DNM1: variants seen among roughly 807,000 people sequenced by gnomAD.
DNM1 encodes the protein dynamin 1.
A neutral mutation model predicts 104.6 loss-of-function variants in DNM1; 29 were observed. The observed-to-expected ratio is 0.28, with a 90% CI of 0.21 to 0.38. DNM1 has a LOEUF of 0.38. DNM1 is among the 10% of genes least tolerant of loss of function. DNM1 has a pLI of 1.00. For missense variants in DNM1, 640 were observed against 1,189.4 expected, an observed-to-expected ratio of 0.54 and a Z score of 6.79; for synonymous variants, 445 against 475.8, an observed-to-expected ratio of 0.94 and a Z score of 0.84.
At position 128,254,452 on chromosome 9, in the gene DNM1, G is replaced by A. The variant is rs1451702641; in HGVS notation, c.2535-202G>A. On this transcript the variant is annotated intron_variant, in intron 21 of 21. Transcript: ENST00000372923. The surrounding 1 kb of genome is among the most constrained non-coding windows in gnomAD (Gnocchi z 6.1). ...CCCAGGCGCTATCTGTGAAGCTACG[G>A]CTCCTCCCTCCATCTTCCTCCCCTT... 1.4e-5 allele frequency: 21 copies of A among 1,478,930 alleles called. No homozygotes were observed. Among genetic ancestry groups the A allele is most frequent in the Admixed American group, 5.1e-5 (2 of 39,166 alleles). 91.6% of individuals were successfully genotyped at this position (1,478,930 alleles called of 1,614,324 possible). A position where few individuals can be genotyped will look rare whatever the true frequency, so the allele number is the denominator to read the frequency against.
At chr9:128,210,991 T>G (rs7870297) in intron 1 of DNM1, among the ~76,000 whole-genome samples, 4 of 152,170 alleles carry the variant, frequency 2.6e-5, no homozygotes, top group African/African-American at 9.7e-5. Flanking sequence ...AAAGTAATAT[T>G]GAGCTTGGAA....
rs1836225282 is a variant in DNM1, at chr9:128,239,473, C to T, written c.1451C>T (p.Ala484Val). The stretch of plus-strand genomic sequence containing the variant: ...ATGCTTCTCATCGATATCGAGCTGG[C>T]TTACATGAACACCAACCATGAGGAC... Reference protein sequence around the residue: ...QVMLLIDIELAYMNTNHEDFI... With the variant: ...QVMLLIDIELVYMNTNHEDFI... Residue 484 changes from alanine (A) to valine (V), a missense_variant, in exon 12 of 22, where the codon GCT (alanine) becomes GTT (valine). Around this residue, in one of 7 missense-constraint regions of DNM1, gnomAD observed 92 missense variants for 124.4 expected, o/e 0.74. Coordinates refer to ENST00000372923, the MANE Select transcript of DNM1 (RefSeq NM_004408.4). 1 of 1,613,916 alleles carries T rather than the reference C, an allele frequency of 6.2e-7. No individual in the cohort carries two copies. Among genetic ancestry groups the T allele is most frequent in the African/African-American group, 1.3e-5 (1 of 74,902 alleles).
chr9:128,216,085 C>CG (rs1430430401), intron 1 of DNM1, among the ~76,000 whole-genome samples: 1 of 151,992 alleles, frequency 6.6e-6, no homozygotes, highest in African/African-American at 2.4e-5. Context: ...GCACATACCA[C>CG]GCTGCATTGC....
chr9:128,203,767 C>T lies in DNM1; in HGVS notation c.161+136C>T, dbSNP rs1833650473. The T allele has an allele frequency of 1.2e-6, 1 of 800,996 alleles. No homozygotes were observed. Among genetic ancestry groups the T allele is most frequent in the East Asian group, 4.0e-5 (1 of 25,086 alleles). The allele number at this position is 800,996 out of a possible 1,614,324, so 49.6% of individuals were successfully genotyped here. A position where few individuals can be genotyped will look rare whatever the true frequency, so the allele number is the denominator to read the frequency against. On this transcript the variant is annotated intron_variant, in intron 1 of 21. Coordinates refer to ENST00000372923, the MANE Select transcript of DNM1 (RefSeq NM_004408.4). The surrounding 1 kb of genome is among the most constrained non-coding windows in gnomAD (Gnocchi z 5.3). ...GGCCGGCGCGCCCCCCACCCCCAGC[C>T]GGAGCGAGGAGGCCCTCCCCCCACC... is the stretch of plus-strand genomic sequence containing the variant.
rs373316268 is a variant in DNM1, at chr9:128,220,375, A to G, written c.849+34A>G. ...CCAAGCCAGGATGGGGCCTGGGGAA[A>G]CAAGCATGAAAACAGGATAAATTAA... On this transcript the variant is annotated intron_variant, in intron 6 of 21. Coordinates refer to ENST00000372923, the MANE Select transcript of DNM1 (RefSeq NM_004408.4). This position sits in a 1 kb window ranked among gnomAD's most constrained non-coding sequence, Gnocchi z 5.2. 2 of 1,607,968 alleles carry G rather than the reference A, an allele frequency of 1.2e-6. No homozygotes were observed. Among genetic ancestry groups the G allele is most frequent in the African/African-American group, 2.7e-5 (2 of 74,920 alleles).
chr9:128,212,269 AGTGGCTGAGTTGGG>A (rs1175108901), intron 1 of DNM1, among the ~76,000 whole-genome samples: 1 of 152,186 alleles, frequency 6.6e-6, no homozygotes, highest in East Asian at 1.9e-4. Context: ...GAAATAATTT[AGTGGCTGAGTTGGG>A]GTTCCTTCTC....
intron 11 of DNM1, among the ~76,000 whole-genome samples, chr9:128,235,931 G>C (rs1028277478): frequency 6.6e-6 from 1 of 151,968 alleles, no homozygotes; most frequent in Non-Finnish European, 1.5e-5. Context: ...TGCCCAGGAT[G>C]GTCTCAAACT....
At chr9:128,229,919 A>G (rs1159662938) in intron 10 of DNM1, among the ~76,000 whole-genome samples, 1 of 150,340 alleles carries the variant, frequency 6.7e-6, no homozygotes, top group African/African-American at 2.4e-5. Flanking sequence ...TCTCAAAGGA[A>G]AAAAAAGGGA....
At chr9:128,219,659 C>G (rs1834825391) in intron 4 of DNM1, among the ~76,000 whole-genome samples, 1 of 147,262 alleles carries the variant, frequency 6.8e-6, no homozygotes, top group Non-Finnish European at 1.5e-5. Context: ...AGAGTGAGAC[C>G]CTGTCTCAAA....
At chr9:128,241,527 TG>T (rs937285279) in intron 14 of DNM1, among the ~76,000 whole-genome samples, 47 of 152,326 alleles carry the variant, frequency 3.1e-4, no homozygotes, top group African/African-American at 1.1e-3. Context: ...AAATATGTAT[TG>T]ATCACTTACT....
At chr9:128,225,608 T>TG (rs1835293902) in intron 10 of DNM1, among the ~76,000 whole-genome samples, 1 of 152,184 alleles carries the variant, frequency 6.6e-6, no homozygotes, top group Non-Finnish European at 1.5e-5. Context: ...GGCCTTGTCC[T>TG]GGCCTGGGTC....
At chr9:128,241,247 G>A (rs1836346392) in intron 14 of DNM1, among the ~76,000 whole-genome samples, 1 of 152,162 alleles carries the variant, frequency 6.6e-6, no homozygotes, top group African/African-American at 2.4e-5. Context: ...GGGGAGGTCA[G>A]CGTCCAGGAG....
Position 128,243,931 on chromosome 9 carries a change from C to T in DNM1, c.1671+1586C>T, listed in dbSNP as rs537418153. ...GCTGTGGGCTGTGGGTGCTGGGAGG[C>T]GGGGTGTGTTTGTGTGTGTGTGTGT... On this transcript the variant is annotated intron_variant, in intron 15 of 21. Coordinates refer to ENST00000372923, the MANE Select transcript of DNM1 (RefSeq NM_004408.4). The surrounding 1 kb of genome is among the most constrained non-coding windows in gnomAD (Gnocchi z 4.0). Among the ~76,000 whole-genome samples the T allele has an allele frequency of 3.5e-5, 5 of 142,248 alleles. No individual in the cohort carries two copies. Among genetic ancestry groups the T allele is most frequent in the East Asian group, 2.0e-4 (1 of 4,930 alleles). 93.3% of individuals were successfully genotyped at this position (142,248 alleles called of 152,430 possible).
chr9:128,216,156 T>G (rs1834592328), intron 1 of DNM1, among the ~76,000 whole-genome samples: 1 of 152,186 alleles, frequency 6.6e-6, no homozygotes, highest in Non-Finnish European at 1.5e-5. Flanking sequence ...GTGGGAACTG[T>G]CTGACTCATC....
rs920706840 is a variant in DNM1, at chr9:128,253,964, C to A, written c.2535-690C>A. On this transcript the variant is annotated intron_variant, in intron 21 of 21. Coordinates refer to ENST00000372923, the MANE Select transcript of DNM1 (RefSeq NM_004408.4). The surrounding 1 kb of genome is among the most constrained non-coding windows in gnomAD (Gnocchi z 5.9). ...GAGCTCCGCCCAGTGAGCCCACCCCCCATTCTCCTGCCACTGACTCTCGCT... is the reference window on the plus strand; with the variant it reads ...GAGCTCCGCCCAGTGAGCCCACCCCACATTCTCCTGCCACTGACTCTCGCT... The A allele has an allele frequency of 3.2e-6, 4 of 1,233,532 alleles. No homozygotes were observed. The East Asian group carries it at 1.3e-4, about 39-fold the overall frequency. The allele number at this position is 1,233,532 out of a possible 1,614,324, so 76.4% of individuals were successfully genotyped here. A position where few individuals can be genotyped will look rare whatever the true frequency, so the allele number is the denominator to read the frequency against.
intron 1 of DNM1, among the ~76,000 whole-genome samples, chr9:128,206,700 G>T (rs1385394073): frequency 6.6e-6 from 1 of 152,130 alleles, no homozygotes; most frequent in African/African-American, 2.4e-5. Flanking sequence ...TGGTGCCTTT[G>T]AAGAACAGAA....
At chr9:128,216,696 C>T (rs1834626540) in intron 1 of DNM1, among the ~76,000 whole-genome samples, 2 of 152,194 alleles carry the variant, frequency 1.3e-5, no homozygotes, top group East Asian at 1.9e-4. Context: ...AACCTAGGAG[C>T]TCTGGGTCTA....
At chr9:128,207,472 T>C (rs574199428) in intron 1 of DNM1, among the ~76,000 whole-genome samples, 1 of 152,126 alleles carries the variant, frequency 6.6e-6, no homozygotes, top group South Asian at 2.1e-4. Context: ...CTCCAGCTCC[T>C]CTTTGTCACC....
rs187315526 is a variant in DNM1, at chr9:128,254,701, C to T, written c.2582C>T (p.Pro861Leu). The T allele has an allele frequency of 6.3e-7, 1 of 1,596,328 alleles. No individual in the cohort carries two copies. The highest frequency in any genetic ancestry group is 1.1e-5 in the South Asian group (1 of 90,974). ...SPSRPESPRP[P>L]FDL ...TCCCGTCCTGAGAGCCCCAGGCCCC[C>T]CTTCGACCTCTAAACAGATCCCTCC... The change falls in exon 22 of 22, where the codon CCC (proline) becomes CTC (leucine). Residue 861 changes from proline to leucine, a missense_variant. Coordinates refer to ENST00000372923, the MANE Select transcript of DNM1 (RefSeq NM_004408.4). This position sits in a 1 kb window ranked among gnomAD's most constrained non-coding sequence, Gnocchi z 6.1.
Sources: allele counts gnomAD v4.1 joint callset (sites outside exome capture counted in the v4.1 genomes callset), GRCh38; gene constraint gnomAD v4.1.1; regional missense constraint gnomAD v4.1.1; non-coding constraint Gnocchi (gnomAD v3.1); transcripts MANE v1.5; gene names NCBI Gene and HGNC (gene_info 2026-07-23, HGNC 2026-07-21).